The following PRKN variants were observed in gnomAD, a reference collection of about 807,000 sequenced individuals.
The protein encoded by PRKN is parkin RBR E3 ubiquitin protein ligase, also known as E3 ubiquitin-protein ligase parkin.
In PRKN, 56 loss-of-function variants were observed where a neutral mutation model predicts 59.5. The observed-to-expected ratio is 0.94, with a 90% CI of 0.76 to 1.18. The LOEUF (loss-of-function observed/expected upper bound fraction) is 1.18, where lower values mean the gene tolerates loss of function less well. Ranked by LOEUF, PRKN falls within the 50% of genes most tolerant of loss-of-function variation. The pLI is 0.00. For missense variants in PRKN, 657 were observed against 596.4 expected, an observed-to-expected ratio of 1.10 and a Z score of -1.06; for synonymous variants, 250 against 222.1, an observed-to-expected ratio of 1.13 and a Z score of -1.12.
chr6:161,883,944 C>A (rs1037476189), intron 6 of PRKN, among the ~76,000 whole-genome samples: 4 of 152,148 alleles, frequency 2.6e-5, no homozygotes, highest in Non-Finnish European at 5.9e-5. Flanking sequence ...TGAGCCACTG[C>A]GCCCAGCCTA....
rs1240058288 is a variant in PRKN, at chr6:161,757,880, T to TACACAC, written c.871+27891_871+27892insGTGTGT. ...CTCTCTCTCTCTCTCTCTGTGTATA[T>TACACAC]ATATATACACACACACACACACACA... On this transcript the variant is annotated intron_variant, in intron 7 of 11. Coordinates refer to ENST00000366898, the MANE Select transcript of PRKN (RefSeq NM_004562.3). 5.2e-5 allele frequency among the ~76,000 whole-genome samples: 5 copies of TACACAC among 96,842 alleles called. 1 individual carries two copies. The highest frequency in any genetic ancestry group is 1.4e-4 in the African/African-American group (3 of 21,152). 63.5% of individuals were successfully genotyped at this position (96,842 alleles called of 152,430 possible). A position where few individuals can be genotyped will look rare whatever the true frequency, so the allele number is the denominator to read the frequency against.
chr6:162,608,718 T>C (rs1782018518), intron 1 of PRKN, among the ~76,000 whole-genome samples: 1 of 152,098 alleles, frequency 6.6e-6, no homozygotes, highest in Non-Finnish European at 1.5e-5. Flanking sequence ...AAACCTCAGA[T>C]GTGAGCCAGG....
At chr6:161,645,411 A>G (rs1335692020) in intron 7 of PRKN, among the ~76,000 whole-genome samples, 1 of 152,236 alleles carries the variant, frequency 6.6e-6, no homozygotes. Flanking sequence ...TATTGGTCTC[A>G]TTTAATCATT....
intron 2 of PRKN, among the ~76,000 whole-genome samples, chr6:162,393,837 A>T (rs1787342250): frequency 2.6e-5 from 4 of 152,206 alleles, no homozygotes; most frequent in Admixed American, 2.0e-4. Context: ...TTTAGAAAAT[A>T]ATCCTTTAGA....
intron 1 of PRKN, among the ~76,000 whole-genome samples, chr6:162,575,917 T>A (rs1780536787): frequency 6.6e-6 from 1 of 152,182 alleles, no homozygotes; most frequent in African/African-American, 2.4e-5. Context: ...CAGCAGCAAC[T>A]CTCCAGTCAT....
chr6:161,721,363 G>A (rs1787213432), intron 7 of PRKN, among the ~76,000 whole-genome samples: 1 of 152,140 alleles, frequency 6.6e-6, no homozygotes, highest in African/African-American at 2.4e-5. Flanking sequence ...ATGTGAGGGT[G>A]GGATACATAG....
intron 1 of PRKN, among the ~76,000 whole-genome samples, chr6:162,567,604 T>C (rs901156335): frequency 1.8e-4 from 26 of 141,996 alleles, no homozygotes; most frequent in Middle Eastern, 7.1e-3. Flanking sequence ...AAAACACTAA[T>C]GAAATAAATC....
At chr6:161,730,565 C>A (rs1204392800) in intron 7 of PRKN, among the ~76,000 whole-genome samples, 5 of 151,454 alleles carry the variant, frequency 3.3e-5, no homozygotes, top group Non-Finnish European at 7.4e-5. Context: ...ATGTTGCATT[C>A]TTTCTGATGT....
chr6:162,433,609 A>G (rs1281987409), intron 2 of PRKN, among the ~76,000 whole-genome samples: 2 of 152,222 alleles, frequency 1.3e-5, no homozygotes, highest in East Asian at 3.8e-4. Context: ...AAACTGAGGA[A>G]GCAGATGTTA....
At chr6:162,695,970 T>C (rs989317220) in intron 1 of PRKN, among the ~76,000 whole-genome samples, 4 of 152,116 alleles carry the variant, frequency 2.6e-5, no homozygotes, top group African/African-American at 4.8e-5. Flanking sequence ...GATTCACTGC[T>C]TGTACAATGG....
At chr6:162,011,089 TAATATATA>T (rs1782625282) in intron 5 of PRKN, among the ~76,000 whole-genome samples, 1 of 13,176 alleles carries the variant, frequency 7.6e-5, no homozygotes, top group African/African-American at 4.7e-4. Flanking sequence ...ATATATATTA[TAATATATA>T]ATATATTTAT....
At chr6:161,659,080 A>C (rs546799925) in intron 7 of PRKN, among the ~76,000 whole-genome samples, 26 of 152,292 alleles carry the variant, frequency 1.7e-4, no homozygotes, top group Middle Eastern at 3.4e-3. Context: ...ATTGTCCTTG[A>C]CTGTGACTGC....
At chr6:161,669,074 C>T (rs1784820001) in intron 7 of PRKN, among the ~76,000 whole-genome samples, 1 of 152,016 alleles carries the variant, frequency 6.6e-6, no homozygotes, top group Admixed American at 6.6e-5. Flanking sequence ...GGATTAGTGC[C>T]CTTATAGAAG....
Position 161,466,062 on chromosome 6 carries a change from T to TTGTG in PRKN, c.1084-79189_1084-79186dup, listed in dbSNP as rs10546457. ...CTTCTATCACCACACATAGTTATCT[T>TTGTG]TGTGTGTGTGTGTGTGTGTGTCTGT... On this transcript the variant is annotated intron_variant, in intron 9 of 11. Transcript: ENST00000366898. The surrounding 1 kb of genome is among the most constrained non-coding windows in gnomAD (Gnocchi z 5.0). Among the ~76,000 whole-genome samples the TTGTG allele has an allele frequency of 6.3e-4, 95 of 150,810 alleles. No homozygotes were observed. Among genetic ancestry groups the TTGTG allele is most frequent in the African/African-American group, 2.0e-3 (83 of 41,218 alleles).
chr6:161,788,150 C>T (rs1014860638), intron 6 of PRKN, among the ~76,000 whole-genome samples: 2 of 152,234 alleles, frequency 1.3e-5, no homozygotes, highest in Non-Finnish European at 2.9e-5. Flanking sequence ...CAGCACACTT[C>T]TATAGTTGTC....
At chr6:161,815,527 C>G (rs1054269903) in intron 6 of PRKN, among the ~76,000 whole-genome samples, 1 of 152,206 alleles carries the variant, frequency 6.6e-6, no homozygotes, top group East Asian at 1.9e-4. Context: ...GAATAACAAG[C>G]ACTGAATTTA....
At chr6:162,072,473 T>G (rs566349159) in intron 4 of PRKN, among the ~76,000 whole-genome samples, 24 of 152,276 alleles carry the variant, frequency 1.6e-4, no homozygotes, top group African/African-American at 5.8e-4. Context: ...CCACAAGCCC[T>G]GAGCCTGATT....
chr6:161,496,062 G>C (rs895369410), intron 9 of PRKN, among the ~76,000 whole-genome samples: 3 of 152,358 alleles, frequency 2.0e-5, no homozygotes, highest in Non-Finnish European at 4.4e-5. Context: ...GCACATAGAA[G>C]TGCCAAACAT....
At chr6:161,890,487 G>T (rs529514765) in intron 6 of PRKN, among the ~76,000 whole-genome samples, 1 of 152,184 alleles carries the variant, frequency 6.6e-6, no homozygotes, top group Non-Finnish European at 1.5e-5. Context: ...TATGCTATGC[G>T]TTCAGAAAAG....
Sources: allele counts gnomAD v4.1 joint callset (sites outside exome capture counted in the v4.1 genomes callset), GRCh38; gene constraint gnomAD v4.1.1; non-coding constraint Gnocchi (gnomAD v3.1); transcripts MANE v1.5; gene names NCBI Gene and HGNC (gene_info 2026-07-23, HGNC 2026-07-21).